SCARA5: variants seen among roughly 807,000 people sequenced by gnomAD.
The protein encoded by SCARA5 is scavenger receptor class A member 5, also known as scavenger receptor class A, member 5 (putative).
A neutral mutation model predicts 46.3 loss-of-function variants in SCARA5; 45 were observed. The observed-to-expected ratio is 0.97, with a 90% confidence interval of 0.76 to 1.24. The LOEUF is 1.24. Ranked by LOEUF, SCARA5 falls within the 50% of genes most tolerant of loss-of-function variation. The pLI, the probability that SCARA5 is intolerant of heterozygous loss-of-function variation, is 0.00. For synonymous variants in SCARA5, 333 were observed against 306.5 expected (o/e 1.09, Z -0.90); for missense variants, 680 against 689.0 (o/e 0.99, Z 0.15).
intron 2 of SCARA5, among the ~76,000 whole-genome samples, chr8:27,983,373 C>T (rs1475464862): frequency 6.6e-6 from 1 of 152,188 alleles, no homozygotes; most frequent in Admixed American, 6.5e-5. Context: ...CAGAGCTTTT[C>T]CAGGCTTAAG....
chr8:27,944,440 C>A (rs1486108284), intron 3 of SCARA5, among the ~76,000 whole-genome samples: 1 of 152,058 alleles, frequency 6.6e-6, no homozygotes. Context: ...ATGGTAATAA[C>A]AAACGTGGGG....
At chr8:27,934,790 C>T (rs940420735) in intron 3 of SCARA5, among the ~76,000 whole-genome samples, 1 of 152,208 alleles carries the variant, frequency 6.6e-6, no homozygotes, top group African/African-American at 2.4e-5. Context: ...ACTCCTCTGG[C>T]CTCAGTCTTT....
At chr8:27,889,073 G>A (rs767575981) in intron 7 of SCARA5, among the ~76,000 whole-genome samples, 20 of 137,258 alleles carry the variant, frequency 1.5e-4, no homozygotes, top group Middle Eastern at 4.2e-3. Context: ...AGGCCCCACC[G>A]GGACCAACCC....
chr8:27,918,469 G>C (rs975196962), intron 4 of SCARA5, among the ~76,000 whole-genome samples: 2 of 146,958 alleles, frequency 1.4e-5, no homozygotes, highest in African/African-American at 2.5e-5. Flanking sequence ...GTTGGGGGGG[G>C]TTCAGTAGGA....
intron 2 of SCARA5, among the ~76,000 whole-genome samples, chr8:27,971,730 T>A (rs1317133697): frequency 6.6e-6 from 1 of 151,206 alleles, no homozygotes; most frequent in Non-Finnish European, 1.5e-5. Context: ...AGCAAATAAA[T>A]AGAAATGAAC....
intron 7 of SCARA5, among the ~76,000 whole-genome samples, chr8:27,884,243 G>C (rs920493736): frequency 6.6e-6 from 1 of 152,200 alleles, no homozygotes; most frequent in African/African-American, 2.4e-5. Context: ...ACTCATTCAG[G>C]CTGTCCCCAA....
intron 2 of SCARA5, among the ~76,000 whole-genome samples, chr8:27,973,631 T>A (rs1461607995): frequency 6.6e-6 from 1 of 152,156 alleles, no homozygotes; most frequent in East Asian, 1.9e-4. Context: ...AAATCACACA[T>A]GGAGCTTCTT....
intron 3 of SCARA5, among the ~76,000 whole-genome samples, chr8:27,951,286 C>A (rs555493313): frequency 3.9e-5 from 6 of 152,228 alleles, no homozygotes; most frequent in African/African-American, 1.2e-4. Flanking sequence ...AAGAGCTGTG[C>A]TGAGTGGAGC....
intron 3 of SCARA5, among the ~76,000 whole-genome samples, chr8:27,945,117 A>C (rs2129882074): frequency 6.6e-6 from 1 of 151,908 alleles, no homozygotes; most frequent in South Asian, 2.1e-4. Flanking sequence ...GTGAGCTGTG[A>C]TTGTGCCCAC....
At chr8:27,948,659 T>C (rs1808075080) in intron 3 of SCARA5, among the ~76,000 whole-genome samples, 1 of 151,934 alleles carries the variant, frequency 6.6e-6, no homozygotes, top group Non-Finnish European at 1.5e-5. Context: ...CCCCAGTCCC[T>C]CTCCAAGGAA....
chr8:27,942,431 A>T (rs186899816), intron 3 of SCARA5, among the ~76,000 whole-genome samples: 2 of 152,284 alleles, frequency 1.3e-5, no homozygotes, highest in Non-Finnish European at 2.9e-5. Flanking sequence ...CAAGCCTGCC[A>T]GCTCTCTCAC....
intron 7 of SCARA5, among the ~76,000 whole-genome samples, chr8:27,884,313 G>T (rs138134999): frequency 6.6e-6 from 1 of 152,350 alleles, no homozygotes; most frequent in Non-Finnish European, 1.5e-5. Flanking sequence ...ATGGAGAAGA[G>T]CTGGAATTCA....
At chr8:27,914,102 A>G (rs1431626098) in intron 4 of SCARA5, among the ~76,000 whole-genome samples, 1 of 152,158 alleles carries the variant, frequency 6.6e-6, no homozygotes, top group Non-Finnish European at 1.5e-5. Context: ...TTCTCGTGAT[A>G]GTGAATAAGT....
At chr8:27,899,468 C>T (rs953979541) in intron 7 of SCARA5, among the ~76,000 whole-genome samples, 1 of 152,196 alleles carries the variant, frequency 6.6e-6, no homozygotes, top group South Asian at 2.1e-4. Context: ...GAAGTGCAGA[C>T]AAGAGAAGGA....
Position 27,984,794 on chromosome 8 carries a change from C to A in SCARA5, c.112+2710G>T, listed in dbSNP as rs569095226. Among the ~76,000 whole-genome samples the A allele has an allele frequency of 2.0e-5, 3 of 150,734 alleles. No individual in the cohort carries two copies. In the East Asian group the frequency reaches 6.0e-4, roughly 30 times the overall value. On this transcript the variant is annotated intron_variant, in intron 2 of 8. Coordinates refer to ENST00000354914, the MANE Select transcript of SCARA5 (RefSeq NM_173833.6). ...ATTCATTCATTCATCCATCCATTCA[C>A]CCATTCATCCATCCATTCATCCATC... is the stretch of plus-strand genomic sequence containing the variant.
intron 5 of SCARA5, among the ~76,000 whole-genome samples, chr8:27,908,579 T>C (rs1807311635): frequency 6.6e-6 from 1 of 152,222 alleles, no homozygotes; most frequent in African/African-American, 2.4e-5. Flanking sequence ...GAAGGTCCAA[T>C]GGCTGGAAGA....
At chr8:27,974,123 G>C (rs992541862) in intron 2 of SCARA5, among the ~76,000 whole-genome samples, 2 of 152,068 alleles carry the variant, frequency 1.3e-5, no homozygotes, top group Non-Finnish European at 2.9e-5. Context: ...AGAGAACCTT[G>C]AACCTCTACA....
chr8:27,971,125 G>A (rs1441283731), intron 2 of SCARA5, among the ~76,000 whole-genome samples: 1 of 152,252 alleles, frequency 6.6e-6, no homozygotes, highest in Non-Finnish European at 1.5e-5. Flanking sequence ...AATATTTGTT[G>A]AGAGATTAAG....
rs182687316 is a variant in SCARA5, at chr8:27,904,694, A to T, written c.1153+84T>A. 288 of 1,250,534 alleles carry T rather than the reference A, an allele frequency of 2.3e-4. 3 individuals are homozygous for T. The African/African-American group carries it at 2.9e-3, about 12-fold the overall frequency. The allele number at this position is 1,250,534 out of a possible 1,614,324, so 77.5% of individuals were successfully genotyped here. On this transcript the variant is annotated intron_variant, in intron 7 of 8. Coordinates refer to ENST00000354914, the MANE Select transcript of SCARA5 (RefSeq NM_173833.6). The stretch of plus-strand genomic sequence containing the variant: ...GCCCCAGCCATGGCTCCAGCCTCTG[A>T]ACCTCCAAACTTATGGGGCTGCTTG...
Sources: gnomAD v4.1 joint callset for allele counts (sites outside exome capture counted in the v4.1 genomes callset) on GRCh38, gnomAD v4.1.1 for gene constraint, MANE v1.5 for transcripts, NCBI Gene and HGNC (gene_info 2026-07-23, HGNC 2026-07-21) for gene names.